The following ALDH18A1 variants were observed in gnomAD, a reference collection of about 807,000 sequenced individuals.
ALDH18A1 encodes the protein aldehyde dehydrogenase 18 family member A1.
Under a neutral mutation model 88.8 loss-of-function variants are expected in ALDH18A1, and 44 were observed. That is an observed-to-expected ratio of 0.50 (90% CI 0.39 to 0.64). The LOEUF is 0.64. Among genes scored for constraint, ALDH18A1 ranks in the 30% least tolerant of loss-of-function variants. The probability of loss-of-function intolerance (pLI) is 0.00; values close to 1 mark genes in which losing one functional copy is unlikely to be tolerated. For synonymous variants in ALDH18A1, 331 were observed against 372.1 expected (o/e 0.89, Z 1.27); for missense variants, 782 against 1,009.5 (o/e 0.77, Z 3.05).
chr10:95,637,532 C>A, intron 3 of ALDH18A1, 96 bp from the exon 4 acceptor site: 2 of 1,451,376 alleles, frequency 1.4e-6, no homozygotes, highest in Non-Finnish European at 1.9e-6. Context: ...TCGAGTAGAT[C>A]CCAAATGCTG....
Position 95,628,427 on chromosome 10 carries a change from G to C in ALDH18A1, c.874C>G (p.Gln292Glu). 2 of 1,614,070 alleles carry C rather than the reference G, an allele frequency of 1.2e-6. No homozygotes were observed. The highest frequency in any genetic ancestry group is 1.7e-6 in the Non-Finnish European group (2 of 1,179,988). Residue 292 changes from glutamine (Q) to glutamate (E), a missense_variant, in exon 8 of 18, where the codon CAG becomes GAG. This residue lies in a region of ALDH18A1 where 556 missense variants were observed against 654.5 expected (regional missense o/e 0.85). Transcript: ENST00000371224. ...TTGGTTCCAAATGTCACAGACTGCT[G>C]ATCTCCGGGATAAAATATATCAATA... ...KLIDIFYPGD[Q>E]QSVTFGTKSR...
Position 95,610,413 on chromosome 10 carries a change from G to A in ALDH18A1, c.2111-121C>T, listed in dbSNP as rs1202224336. On this transcript the variant is annotated intron_variant, in intron 16 of 17. Transcript: ENST00000371224. Reference sequence around the variant, plus strand: ...GGTCCCCACTGGGGCCTCTCCATGTGTTCTCACGTATTAAATACTCAGGCT... The same window carrying A: ...GGTCCCCACTGGGGCCTCTCCATGTATTCTCACGTATTAAATACTCAGGCT... 3.7e-6 allele frequency: 3 copies of A among 817,652 alleles called. No individual in the cohort carries two copies. In the South Asian group the frequency reaches 4.3e-5, roughly 12 times the overall value. 50.6% of individuals were successfully genotyped at this position (817,652 alleles called of 1,614,324 possible).
Position 95,637,346 on chromosome 10 carries a change from G to A in ALDH18A1, c.394C>T (p.Leu132Phe). The change falls in exon 4 of 18, where the codon CTT becomes TTT. Residue 132 changes from leucine (L) to phenylalanine (F), a missense_variant. Leu to Phe is a conservative substitution (Grantham distance 22, BLOSUM62 0). Around this residue, in one of 3 missense-constraint regions of ALDH18A1, gnomAD observed 132 missense variants for 255.5 expected, o/e 0.52. Transcript: ENST00000371224. ...FGKQRLRHEILLSQSVRQALH... is the reference protein window; with the variant it reads ...FGKQRLRHEIFLSQSVRQALH... Reference sequence around the variant, plus strand: ...GCCTGCCGCACGCTCTGAGACAGAAGGATCTCATGGCGCAAGCGTTGTTTG... The same window carrying A: ...GCCTGCCGCACGCTCTGAGACAGAAAGATCTCATGGCGCAAGCGTTGTTTG... The A allele has an allele frequency of 6.2e-7, 1 of 1,614,240 alleles. No individual in the cohort carries two copies. The highest frequency in any genetic ancestry group is 8.5e-7 in the Non-Finnish European group (1 of 1,180,044).
intron 11 of ALDH18A1, 43 bp from the exon 12 acceptor site, chr10:95,621,294 C>G: frequency 6.7e-7 from 1 of 1,502,828 alleles, no homozygotes; most frequent in Non-Finnish European, 9.1e-7. Context: ...GCAGACCTGG[C>G]AGGCTACAGC....
intron 1 of ALDH18A1, 57 bp downstream of exon 1, chr10:95,656,540 C>A (rs1438415942): frequency 2.6e-5 from 4 of 152,288 alleles, no homozygotes; most frequent in Admixed American, 1.3e-4. Context: ...AGCCTGGGCG[C>A]GCAACAGCTT....
intron 11 of ALDH18A1, among the ~76,000 whole-genome samples, chr10:95,623,467 G>C (rs977457633): frequency 8.6e-5 from 13 of 151,910 alleles, no homozygotes; most frequent in African/African-American, 3.1e-4. Flanking sequence ...GAGTGCAGTA[G>C]CGCAATCTCG....
rs1267474956 is a variant in ALDH18A1 at position 95,606,745 on chromosome 10, G to A, written c.*17C>T. The A allele has an allele frequency of 2.5e-6, 4 of 1,614,092 alleles. 1 individual carries two copies. In the South Asian group the frequency reaches 3.3e-5, roughly 13 times the overall value. On this transcript the variant is annotated 3_prime_UTR_variant, in exon 18 of 18. Coordinates refer to ENST00000371224, the MANE Select transcript of ALDH18A1 (RefSeq NM_002860.4). ...GTGAAGACCTTTTGGAAAATTCCCG[G>A]GTTTTCCTGGCTCTTTTCAGTTGGT...
intron 17 of ALDH18A1, among the ~76,000 whole-genome samples, chr10:95,607,517 A>G (rs1432741258): frequency 6.7e-6 from 1 of 149,946 alleles, no homozygotes; most frequent in Non-Finnish European, 1.5e-5. Flanking sequence ...CACTGTATAC[A>G]GTGGAGGCAG....
chr10:95,654,227 C>T (rs1229730116), intron 1 of ALDH18A1, among the ~76,000 whole-genome samples: 3 of 147,800 alleles, frequency 2.0e-5, no homozygotes, highest in Non-Finnish European at 3.0e-5. Flanking sequence ...TACAATGGAG[C>T]GATCTCGGCT....
At chr10:95,649,526 T>G (rs774613242) in intron 2 of ALDH18A1, among the ~76,000 whole-genome samples, 1 of 151,746 alleles carries the variant, frequency 6.6e-6, no homozygotes, top group Non-Finnish European at 1.5e-5. Flanking sequence ...GGCTAATTTT[T>G]TGTGTTTTTT....
intron 3 of ALDH18A1, 25 bp downstream of exon 3, chr10:95,642,967 G>A (rs1232087048): frequency 6.2e-7 from 1 of 1,611,268 alleles, no homozygotes. Context: ...TTTTAGTACA[G>A]CATAATTTCT....
At chr10:95,646,562 C>T (rs547453243) in intron 2 of ALDH18A1, among the ~76,000 whole-genome samples, 18 of 151,918 alleles carry the variant, frequency 1.2e-4, no homozygotes, top group East Asian at 9.7e-4. Context: ...TATTGAACAA[C>T]GCCTTTTACC....
intron 5 of ALDH18A1, among the ~76,000 whole-genome samples, chr10:95,634,020 T>C (rs2097876040): frequency 6.6e-6 from 1 of 152,098 alleles, no homozygotes; most frequent in South Asian, 2.1e-4. Context: ...TTGGCCAGGC[T>C]GGTCTCAAAC....
chr10:95,631,367 C>T (rs1390479300), intron 7 of ALDH18A1, among the ~76,000 whole-genome samples: 1 of 152,114 alleles, frequency 6.6e-6, no homozygotes, highest in Non-Finnish European at 1.5e-5. Context: ...CCATGGTTTA[C>T]ATTAAAAACT....
chr10:95,615,056 C>T (rs141459739), intron 13 of ALDH18A1, among the ~76,000 whole-genome samples: 9 of 152,134 alleles, frequency 5.9e-5, no homozygotes, highest in African/African-American at 1.9e-4. Flanking sequence ...AAAGGCAGGG[C>T]GTGGTGGCAC....
intron 1 of ALDH18A1, among the ~76,000 whole-genome samples, chr10:95,656,204 A>T (rs1195166045): frequency 6.6e-6 from 1 of 152,042 alleles, no homozygotes; most frequent in Non-Finnish European, 1.5e-5. Flanking sequence ...ACCGCCACCC[A>T]CGCCACCCAC....
At chr10:95,646,176 C>A (rs560808057) in intron 2 of ALDH18A1, among the ~76,000 whole-genome samples, 1 of 152,190 alleles carries the variant, frequency 6.6e-6, no homozygotes, top group Non-Finnish European at 1.5e-5. Flanking sequence ...TGCTGGAGGG[C>A]CTATCCTGAC....
At chr10:95,621,645 T>C (rs893501763) in intron 11 of ALDH18A1, among the ~76,000 whole-genome samples, 4 of 152,082 alleles carry the variant, frequency 2.6e-5, no homozygotes, top group Admixed American at 2.6e-4. Flanking sequence ...ACTGAACATG[T>C]GGGACTGCAT....
rs761417811 is a variant in ALDH18A1, at chr10:95,611,452, AG to A, written c.1924-11del. On this transcript the variant is annotated splice_polypyrimidine_tract_variant and intron_variant, in intron 15 of 17. Transcript: ENST00000371224. ...CTGCATGAATTTTTACCTGGAACAG[AG>A]GAAGTCCAGGGGCAACAACATAAAA... is the stretch of plus-strand genomic sequence containing the variant. 5.3e-4 allele frequency: 857 copies of A among 1,613,840 alleles called. 5 individuals are homozygous for A. Among genetic ancestry groups the A allele is most frequent in the East Asian group, 3.1e-4 (14 of 44,892 alleles).
Sources: gnomAD v4.1 joint callset for allele counts (sites outside exome capture counted in the v4.1 genomes callset) on GRCh38, gnomAD v4.1.1 for gene constraint, gnomAD v4.1.1 regional missense constraint, MANE v1.5 for transcripts, NCBI Gene and HGNC (gene_info 2026-07-23, HGNC 2026-07-21) for gene names.